Variants in MXRA5 observed in about 807,000 individuals in gnomAD.
The protein encoded by MXRA5 is matrix-remodeling-associated protein 5.
A neutral mutation model predicts 112.5 loss-of-function variants in MXRA5; 41 were observed. The observed-to-expected ratio is 0.36, with a 90% confidence interval of 0.28 to 0.47. The LOEUF (loss-of-function observed/expected upper bound fraction) is 0.47, where lower values mean the gene tolerates loss of function less well. Among genes scored for constraint, MXRA5 ranks in the 20% least tolerant of loss-of-function variants. MXRA5 has a pLI of 0.99. For synonymous variants in MXRA5, 862 were observed against 900.8 expected, an observed-to-expected ratio of 0.96 and a Z score of 0.77; for missense variants, 2,150 against 2,251.0, an observed-to-expected ratio of 0.96 and a Z score of 0.91.
At chrX:3,318,056 T>C (rs1269714312) in intron 5 of MXRA5, 53 bp from the exon 6 acceptor site, 2 of 1,009,356 alleles carry the variant, frequency 2.0e-6, no homozygotes, top group African/African-American at 3.8e-5. Context: ...CTTTTGATAA[T>C]GCTCAAACGA....
intron 4 of MXRA5, among the ~76,000 whole-genome samples, chrX:3,329,413 A>AAAGGAAGGAAGGAGGG (rs1286572952): frequency 2.8e-5 from 1 of 36,161 alleles, no homozygotes; most frequent in Non-Finnish European, 6.5e-5. Flanking sequence ...GAAGGAGAGA[A>AAAGGAAGGAAGGAGGG]AAGGAAGGAA....
chrX:3,324,257 C>T lies in MXRA5; in HGVS notation c.1428G>A (p.Trp476Ter). 8.3e-7 allele frequency: 1 copy of T among 1,211,661 alleles called. No homozygotes were observed. The highest frequency in any genetic ancestry group is 1.1e-6 in the Non-Finnish European group (1 of 895,471). The stretch of plus-strand genomic sequence containing the variant: ...CAGCTCCACTAGGCTCAATCATTAC[C>T]CAGCTTCTGCCCCGAGCCTGCCTTG... ...KDTRQARGRS[W>*]VMIEPSGAVQ... The change falls in exon 5 of 7, where the codon TGG becomes TGA. Residue 476 changes from tryptophan to a stop codon, truncating the protein, a stop_gained. Transcript: ENST00000217939. LOFTEE classifies it high-confidence loss of function.
rs1569183338 is a variant in MXRA5, at chrX:3,322,009, A to T, written c.3676T>A (p.Ser1226Thr). The change falls in exon 5 of 7, where the codon TCC becomes ACC. Residue 1226 changes from serine (S) to threonine (T), a missense_variant. Physicochemically the swap from Ser to Thr is moderately conservative, Grantham distance 58 (BLOSUM62 1). Around this residue, in one of 6 missense-constraint regions of MXRA5, gnomAD observed 1,485 missense variants for 1,471.6 expected, o/e 1.01. Transcript: ENST00000217939. ...TGTTTTCTCCGTGGTGTTCCCTTGG[A>T]TGTGGGTTCTGCATTCTTCTCCATT... ...LEMEKNAEPT[S>T]KGTPRRKHGK... is the part of the protein sequence containing the mutation. 1.7e-6 allele frequency: 2 copies of T among 1,211,047 alleles called. No homozygotes were observed. The highest frequency in any genetic ancestry group is 3.0e-5 in the East Asian group (1 of 33,814).
chrX:3,341,420 A>T (rs1921959703), intron 2 of MXRA5, among the ~76,000 whole-genome samples: 34 of 16,835 alleles, frequency 2.0e-3, no homozygotes, highest in African/African-American at 0.015. Flanking sequence ...TATTATATAT[A>T]ATATATGTAA....
At chrX:3,330,470 C>A in intron 3 of MXRA5, 62 bp from the exon 4 acceptor site, 3 of 1,129,199 alleles carry the variant, frequency 2.7e-6, no homozygotes, top group Non-Finnish European at 3.5e-6. Context: ...TAAAAAGCCA[C>A]AACCACAAAC....
intron 6 of MXRA5, among the ~76,000 whole-genome samples, chrX:3,313,998 C>A (rs185979038): frequency 9.0e-6 from 1 of 111,646 alleles, no homozygotes; most frequent in African/African-American, 3.3e-5. Flanking sequence ...GGAGGCCAGA[C>A]ACAACTGTGC....
chrX:3,335,221 G>A (rs1409588471), intron 2 of MXRA5, among the ~76,000 whole-genome samples: 1 of 110,694 alleles, frequency 9.0e-6, no homozygotes, highest in Non-Finnish European at 1.9e-5. Flanking sequence ...ATTTGAGATA[G>A]AGTCTCCCTC....
Position 3,311,010 on chromosome X carries a change from T to C in MXRA5, c.7193A>G (p.Tyr2398Cys). The stretch of plus-strand genomic sequence containing the variant: ...CTGAATAAGGAGAGTGCCATCTTGG[T>C]ATATCTGATACTTCTCAGAGGAGGT... ...IPTSSEKYQI[Y>C]QDGTLLIQKA... The change falls in exon 7 of 7, where the codon TAC becomes TGC. Residue 2398 changes from tyrosine to cysteine, a missense_variant. Tyr to Cys is a radical substitution (Grantham distance 194). Coordinates refer to ENST00000217939, the MANE Select transcript of MXRA5 (RefSeq NM_015419.4). The C allele has an allele frequency of 8.3e-7, 1 of 1,211,527 alleles. No individual in the cohort carries two copies. The highest frequency in any genetic ancestry group is 1.1e-6 in the Non-Finnish European group (1 of 895,493).
Position 3,323,651 on chromosome X carries a change from T to C in MXRA5, c.2034A>G (p.Lys678=). ...VTKKGSGLPS[K]RGRRPGAKAL... is the part of the protein sequence containing the mutation. ...CCTTTGCACCTGGGCGTCTGCCTCT[T>C]TTGGATGGCAAGCCAGACCCTTTCT... Residue 678 remains lysine (K), a synonymous_variant, in exon 5 of 7, where the codon AAA becomes AAG. Transcript: ENST00000217939. 8.3e-7 allele frequency: 1 copy of C among 1,210,901 alleles called. No individual in the cohort carries two copies. The highest frequency in any genetic ancestry group is 2.2e-5 in the Admixed American group (1 of 45,953).
At chrX:3,338,994 A>G (rs1921853016) in intron 2 of MXRA5, among the ~76,000 whole-genome samples, 1 of 109,095 alleles carries the variant, frequency 9.2e-6, no homozygotes, top group African/African-American at 3.4e-5. Flanking sequence ...AGATAGATAG[A>G]TAGATAGATA....
intron 6 of MXRA5, among the ~76,000 whole-genome samples, chrX:3,312,386 T>A (rs1921000048): frequency 8.9e-6 from 1 of 112,130 alleles, no homozygotes; most frequent in African/African-American, 3.2e-5. Flanking sequence ...ATCTTCATTA[T>A]GTATGTAAGA....
chrX:3,315,360 GATAGATAGATAGA>G (rs1376658370), intron 6 of MXRA5, among the ~76,000 whole-genome samples: 14 of 42,367 alleles, frequency 3.3e-4, no homozygotes, highest in Non-Finnish European at 3.9e-4. Context: ...TAGATAGATA[GATAGATAGATAGA>G]ATAGATAGAT....
Position 3,317,349 on chromosome X carries a change from T to C in MXRA5, c.6332A>G (p.Asn2111Ser), listed in dbSNP as rs1375556316. 8.3e-7 allele frequency: 1 copy of C among 1,209,406 alleles called. No homozygotes were observed. Residue 2111 changes from asparagine to serine, a missense_variant, in exon 6 of 7, where the codon AAC becomes AGC. By Grantham distance (46) the Asn-to-Ser change is conservative (BLOSUM62 1). This residue lies in a region of MXRA5 where 1,485 missense variants were observed against 1,471.6 expected (regional missense o/e 1.01). Coordinates refer to ENST00000217939, the MANE Select transcript of MXRA5 (RefSeq NM_015419.4). ...GCGCCCGCTGTCCTTGGGCGCGAGG[T>C]TGCGGATGTAGAGCGTCCCGTTGGG... is the stretch of plus-strand genomic sequence containing the variant. ...VFPNGTLYIRNLAPKDSGRYE... is the reference protein window; with the variant it reads ...VFPNGTLYIRSLAPKDSGRYE...
chrX:3,330,579 TC>T, intron 3 of MXRA5, 64 bp downstream of exon 3: 1 of 1,170,123 alleles, frequency 8.5e-7, no homozygotes, highest in South Asian at 2.0e-5. Context: ...TGACATAATT[TC>T]TATTCTTTAT....
rs767825990 is a variant in MXRA5 at position 3,324,533 on chromosome X, G to A, written c.1152C>T (p.Tyr384=). The change falls in exon 5 of 7, where the codon TAC becomes TAT. Residue 384 remains tyrosine, a synonymous_variant. Transcript: ENST00000217939. Reference sequence around the variant, plus strand: ...TGTGTAGCTTCACGGGAACTTCACTGTAGTATGCTATCAATTTCCATAGCT... The same window carrying A: ...TGTGTAGCTTCACGGGAACTTCACTATAGTATGCTATCAATTTCCATAGCT... ...YEKLWKLIAY[Y]SEVPVKLHRE... The A allele has an allele frequency of 8.3e-7, 1 of 1,211,353 alleles. No individual in the cohort carries two copies. The highest frequency in any genetic ancestry group is 1.1e-6 in the Non-Finnish European group (1 of 895,364).
At chrX:3,316,804 G>A (rs1483790849) in intron 6 of MXRA5, among the ~76,000 whole-genome samples, 1 of 108,901 alleles carries the variant, frequency 9.2e-6, no homozygotes, top group East Asian at 3.0e-4. Flanking sequence ...AGCCTCCAGA[G>A]TAGCTGGGAC....
chrX:3,328,382 G>A (rs1921561806), intron 4 of MXRA5, among the ~76,000 whole-genome samples: 1 of 112,212 alleles, frequency 8.9e-6, no homozygotes, highest in African/African-American at 3.2e-5. Context: ...AGAGCAATGG[G>A]ACCACCATGC....
intron 5 of MXRA5, 109 bp downstream of exon 5, chrX:3,319,896 TCTC>T (rs938399872): frequency 1.3e-5 from 7 of 521,820 alleles, no homozygotes; most frequent in East Asian, 1.2e-4. Context: ...TATAAAAATT[TCTC>T]CTAATGTGTT....
chrX:3,322,527 G>T lies in MXRA5; in HGVS notation c.3158C>A (p.Thr1053Asn), dbSNP rs1921339575. ...TTTCATACCCTTTTTAATCAGTAAG[G>T]TGTCTTGAGTGCTTAGACTACTTTT... ...LVKSSLSTQD[T>N]LLIKKGMKEM... The change falls in exon 5 of 7, where the codon ACC (threonine) becomes AAC (asparagine). Residue 1053 changes from threonine (T) to asparagine (N), a missense_variant. Transcript: ENST00000217939. 5.0e-6 allele frequency: 6 copies of T among 1,209,056 alleles called. No homozygotes were observed. The African/African-American group carries it at 8.8e-5, about 18-fold the overall frequency.
Sources: gnomAD v4.1 joint callset for allele counts (sites outside exome capture counted in the v4.1 genomes callset) on GRCh38, gnomAD v4.1.1 for gene constraint, gnomAD v4.1.1 regional missense constraint, MANE v1.5 for transcripts, NCBI Gene and HGNC (gene_info 2026-07-23, HGNC 2026-07-21) for gene names.